The following PPFIA1 variants were observed in gnomAD, a reference collection of about 807,000 sequenced individuals.
PPFIA1 encodes the protein PPFI scaffold protein A1, also known as liprin-alpha-1.
In PPFIA1, 25 loss-of-function variants were observed where a neutral mutation model predicts 149.9. The ratio of observed to expected loss-of-function variants is 0.17; its 90% CI spans 0.12 to 0.23. The LOEUF (loss-of-function observed/expected upper bound fraction) is 0.23, where lower values mean the gene tolerates loss of function less well. Ranked by LOEUF, PPFIA1 falls within the 10% of genes least tolerant of loss-of-function variation. The pLI is 1.00. For missense variants in PPFIA1, 1,362 were observed against 1,506.5 expected, an observed-to-expected ratio of 0.90 and a Z score of 1.59; for synonymous variants, 549 against 552.8, an observed-to-expected ratio of 0.99 and a Z score of 0.10.
intron 11 of PPFIA1, 132 bp downstream of exon 11, chr11:70,335,826 G>A: frequency 1.9e-6 from 2 of 1,035,038 alleles, no homozygotes; most frequent in Non-Finnish European, 2.8e-6. Context: ...CTTTAAAGTG[G>A]AAAAGGTATG....
At chr11:70,377,750 G>T (rs576723334) in intron 25 of PPFIA1, among the ~76,000 whole-genome samples, 16 of 151,510 alleles carry the variant, frequency 1.1e-4, no homozygotes, top group East Asian at 5.8e-4. Context: ...CCTGCAAGGT[G>T]TAAGAAGTAG....
intron 2 of PPFIA1, chr11:70,279,133 T>C: frequency 1.8e-6 from 1 of 551,150 alleles, no homozygotes; most frequent in Non-Finnish European, 3.4e-6. Context: ...AGGATGGCTG[T>C]GCTATTCACA....
intron 2 of PPFIA1, among the ~76,000 whole-genome samples, chr11:70,303,368 A>C (rs1033210249): frequency 3.3e-5 from 5 of 152,186 alleles, no homozygotes; most frequent in African/African-American, 1.2e-4. Flanking sequence ...AATGTCACGG[A>C]AAAAGTTTGG....
At chr11:70,343,630 G>T in intron 14 of PPFIA1, 39 bp from the exon 15 acceptor site, 1 of 1,548,232 alleles carries the variant, frequency 6.5e-7, no homozygotes, top group Non-Finnish European at 8.9e-7. Context: ...AACTAATGTT[G>T]TTACTTTATC....
rs2057791939 is a variant in PPFIA1 at position 70,383,859 on chromosome 11, G to C, written c.*869G>C. 1 of 152,416 alleles carries C rather than the reference G, an allele frequency of 6.6e-6. No homozygotes were observed. The highest frequency in any genetic ancestry group is 1.5e-5 in the Non-Finnish European group (1 of 68,192). The allele number at this position is 152,416 out of a possible 1,614,324, so 9.4% of individuals were successfully genotyped here. On this transcript the variant is annotated 3_prime_UTR_variant, in exon 28 of 28. Transcript: ENST00000253925. ...CCTCTGCTCCTTGGGAGCGGGTGGA[G>C]AGACACCCATGTGGCTCCCCTTAGG...
chr11:70,325,446 A>G, intron 4 of PPFIA1, 54 bp from the exon 5 acceptor site: 1 of 1,203,916 alleles, frequency 8.3e-7, no homozygotes, highest in Non-Finnish European at 1.2e-6. Flanking sequence ...TATATTAAGA[A>G]TAAAATAAAC....
chr11:70,274,796 G>C (rs1478708742), intron 2 of PPFIA1, among the ~76,000 whole-genome samples: 1 of 151,684 alleles, frequency 6.6e-6, no homozygotes, highest in Non-Finnish European at 1.5e-5. Flanking sequence ...TCGGCTCACT[G>C]TAGCCTCCAC....
chr11:70,292,317 T>C (rs781687563), intron 2 of PPFIA1, among the ~76,000 whole-genome samples: 2 of 152,210 alleles, frequency 1.3e-5, no homozygotes, highest in Non-Finnish European at 2.9e-5. Flanking sequence ...ATGTGCGTCC[T>C]TTCTGCCTGC....
At position 70,326,344 on chromosome 11, in the gene PPFIA1, C is replaced by T. The variant is rs151186142; in HGVS notation, c.689C>T (p.Thr230Ile). 3.1e-6 allele frequency: 5 copies of T among 1,603,342 alleles called. No individual in the cohort carries two copies. Among genetic ancestry groups the T allele is most frequent in the Middle Eastern group, 1.6e-4 (1 of 6,068 alleles). ...VLDINHEQENTPSTSGKRSSD... is the reference protein window; with the variant it reads ...VLDINHEQENIPSTSGKRSSD... ...GACATAAACCATGAACAAGAAAATA[C>T]ACCAAGCACGAGTGGAAAGGCAAGT... is the stretch of plus-strand genomic sequence containing the variant. Residue 230 changes from threonine (T) to isoleucine (I), a missense_variant, in exon 6 of 28, where the codon ACA becomes ATA. Thr to Ile is a moderately conservative substitution (Grantham distance 89, BLOSUM62 -1). Transcript: ENST00000253925.
At chr11:70,327,398 A>G (rs930022782) in intron 7 of PPFIA1, among the ~76,000 whole-genome samples, 4 of 152,248 alleles carry the variant, frequency 2.6e-5, no homozygotes, top group Non-Finnish European at 5.9e-5. Context: ...TACATGGGTC[A>G]TCAGGATCGT....
rs550694136 is a variant in PPFIA1, at chr11:70,355,702, G to T, written c.2379G>T (p.Ser793=). 1.2e-6 allele frequency: 2 copies of T among 1,614,086 alleles called. No homozygotes were observed. The highest frequency in any genetic ancestry group is 1.7e-4 in the Middle Eastern group (1 of 6,058). Residue 793 remains serine, a synonymous_variant, in exon 18 of 28, where the codon TCG becomes TCT. Coordinates refer to ENST00000253925, the MANE Select transcript of PPFIA1 (RefSeq NM_003626.5). ...NPSSSNSSQD[S]LHKAPKKKGI... ...GCAGTAGCAACAGTAGCCAGGACTC[G>T]CTCCACAAAGCCCCAAAGAAGAAAG...
intron 10 of PPFIA1, 103 bp downstream of exon 10, chr11:70,333,656 T>A: frequency 2.3e-6 from 2 of 883,520 alleles, no homozygotes; most frequent in Non-Finnish European, 3.7e-6. Context: ...GAGATGTTGG[T>A]CCTCCAGCTC....
At chr11:70,379,417 C>T (rs554430795) in intron 26 of PPFIA1, among the ~76,000 whole-genome samples, 25 of 151,500 alleles carry the variant, frequency 1.7e-4, no homozygotes, top group Non-Finnish European at 2.2e-4. Context: ...GAGATTGTGC[C>T]GCTGCACTCT....
In PPFIA1 at chr11:70,303,867, G is replaced by A. The variant is rs371138165; in HGVS notation, c.265-20535G>A. 3.7e-4 allele frequency among the ~76,000 whole-genome samples: 57 copies of A among 152,300 alleles called. 1 individual carries two copies. Among genetic ancestry groups the A allele is most frequent in the African/African-American group, 1.3e-3 (54 of 41,570 alleles). On this transcript the variant is annotated intron_variant, in intron 2 of 27. Coordinates refer to ENST00000253925, the MANE Select transcript of PPFIA1 (RefSeq NM_003626.5). ...CTAAAAATACAAAAATTAGCCAGGCGTGGTGGTGTGTGCCTGTAATCCCAG... is the reference window on the plus strand; with the variant it reads ...CTAAAAATACAAAAATTAGCCAGGCATGGTGGTGTGTGCCTGTAATCCCAG...
intron 8 of PPFIA1, among the ~76,000 whole-genome samples, chr11:70,330,608 G>A (rs1311294582): frequency 6.6e-6 from 1 of 152,184 alleles, no homozygotes; most frequent in East Asian, 1.9e-4. Context: ...AGAACTTCAA[G>A]GCAATTGGCT....
rs1255445517 is a variant in PPFIA1, at chr11:70,348,326, C to G, written c.2069C>G (p.Ala690Gly). Residue 690 changes from alanine to glycine, a missense_variant, in exon 16 of 28, where the codon GCT becomes GGT. Ala to Gly is a moderately conservative substitution (Grantham distance 60). Coordinates refer to ENST00000253925, the MANE Select transcript of PPFIA1 (RefSeq NM_003626.5). Reference sequence around the variant, plus strand: ...CCCCCCTACCCTGCTTCCTCGCTTGCTAGCTCCTCCCCTCCGGGCAGTGGG... The same window carrying G: ...CCCCCCTACCCTGCTTCCTCGCTTGGTAGCTCCTCCCCTCCGGGCAGTGGG... ...SIPPYPASSL[A>G]SSSPPGSGRS... 6.2e-7 allele frequency: 1 copy of G among 1,614,192 alleles called. No homozygotes were observed. The highest frequency in any genetic ancestry group is 8.5e-7 in the Non-Finnish European group (1 of 1,180,012).
At chr11:70,311,790 G>T (rs1200745923) in intron 2 of PPFIA1, among the ~76,000 whole-genome samples, 7 of 149,860 alleles carry the variant, frequency 4.7e-5, no homozygotes, top group African/African-American at 1.7e-4. Context: ...CATGTTTGAG[G>T]TTGGAAGGGT....
intron 6 of PPFIA1, 50 bp downstream of exon 6, chr11:70,326,413 G>A (rs2054290937): frequency 6.7e-7 from 1 of 1,487,036 alleles, no homozygotes. Context: ...TTTGTTCACA[G>A]TATGTGTCGG....
intron 16 of PPFIA1, 62 bp downstream of exon 16, chr11:70,348,482 A>G (rs760509485): frequency 9.9e-6 from 13 of 1,307,122 alleles, no homozygotes; most frequent in Non-Finnish European, 1.4e-5. Context: ...AATCTTGGAC[A>G]CTACAAATCT....
Sources: allele counts gnomAD v4.1 joint callset (sites outside exome capture counted in the v4.1 genomes callset), GRCh38; gene constraint gnomAD v4.1.1; transcripts MANE v1.5; gene names NCBI Gene and HGNC (gene_info 2026-07-23, HGNC 2026-07-21).